The following AFG2A variants were observed in gnomAD, a reference collection of about 807,000 sequenced individuals.
AFG2A encodes the protein AAA ATPase AFG2A.
the AFG2A span, among the ~76,000 whole-genome samples, chr4:123,245,525 C>T: frequency 5.9e-5 from 9 of 152,018 alleles, no homozygotes; most frequent in African/African-American, 9.7e-5. Flanking sequence ...TAAAATGACT[C>T]TTTAATAGAA....
At chr4:123,252,136 C>G in the AFG2A span, among the ~76,000 whole-genome samples, 1 of 152,022 alleles carries the variant, frequency 6.6e-6, no homozygotes, top group Non-Finnish European at 1.5e-5. Flanking sequence ...ATATAGAAAC[C>G]TATACAAACC....
chr4:122,923,203 C>T, the AFG2A span: 43 of 1,614,242 alleles, frequency 2.7e-5, no homozygotes, highest in East Asian at 9.4e-4. Flanking sequence ...TTCGTCCTTG[C>T]CCTCTGCTGC....
At chr4:122,947,567 A>G in the AFG2A span, 12 of 1,325,134 alleles carry the variant, frequency 9.1e-6, no homozygotes, top group South Asian at 1.6e-4. Flanking sequence ...TTTATATTTT[A>G]CAGATTTCTT....
the AFG2A span, among the ~76,000 whole-genome samples, chr4:122,963,519 T>C: frequency 6.6e-6 from 1 of 152,234 alleles, no homozygotes; most frequent in Non-Finnish European, 1.5e-5. Flanking sequence ...AGCAGCTCTC[T>C]GAGGTTCTCT....
chr4:123,112,635 T>C, the AFG2A span, among the ~76,000 whole-genome samples: 112,096 of 152,100 alleles, frequency 0.74, 41,869 homozygotes, highest in East Asian at 0.97. Flanking sequence ...AAGTACATAC[T>C]GTAGAAGGTA....
At chr4:123,003,386 T>G in the AFG2A span, among the ~76,000 whole-genome samples, 2 of 152,168 alleles carry the variant, frequency 1.3e-5, no homozygotes, top group Non-Finnish European at 2.9e-5. Context: ...GCGCTCTGCT[T>G]TTTAGAGTTT....
the AFG2A span, among the ~76,000 whole-genome samples, chr4:122,930,786 T>G: frequency 6.6e-6 from 1 of 152,184 alleles, no homozygotes; most frequent in Non-Finnish European, 1.5e-5. Context: ...TGACTGGAAT[T>G]AGCATTTATG....
chr4:123,157,555 A>G, the AFG2A span, among the ~76,000 whole-genome samples: 1 of 152,184 alleles, frequency 6.6e-6, no homozygotes, highest in Non-Finnish European at 1.5e-5. Context: ...CTTTCAAAAA[A>G]GTAGTCTCAA....
chr4:123,234,725 T>G, the AFG2A span, among the ~76,000 whole-genome samples: 4 of 152,132 alleles, frequency 2.6e-5, no homozygotes, highest in Non-Finnish European at 4.4e-5. Context: ...GCTTCTACAA[T>G]GTAATTTCTG....
chr4:123,310,955 T>A, the AFG2A span, among the ~76,000 whole-genome samples: 1 of 152,104 alleles, frequency 6.6e-6, no homozygotes, highest in Non-Finnish European at 1.5e-5. Context: ...ACAGCTGCAC[T>A]CCTTCCTCTA....
chr4:122,932,013 T>TC, the AFG2A span, among the ~76,000 whole-genome samples: 3 of 152,154 alleles, frequency 2.0e-5, no homozygotes, highest in Non-Finnish European at 2.9e-5. Context: ...ACGCCTGTAA[T>TC]CCCAGCACTT....
At chr4:123,141,214 T>C in the AFG2A span, among the ~76,000 whole-genome samples, 1 of 152,230 alleles carries the variant, frequency 6.6e-6, no homozygotes, top group East Asian at 1.9e-4. Flanking sequence ...AATTTTTCAC[T>C]AGGGGACTTG....
chr4:123,264,736 G>A, the AFG2A span, among the ~76,000 whole-genome samples: 2 of 152,058 alleles, frequency 1.3e-5, no homozygotes, highest in Admixed American at 6.6e-5. Flanking sequence ...ACCCATCATG[G>A]CCACCTAGAA....
At chr4:123,151,722 G>A in the AFG2A span, among the ~76,000 whole-genome samples, 1 of 152,086 alleles carries the variant, frequency 6.6e-6, no homozygotes, top group Non-Finnish European at 1.5e-5. Flanking sequence ...ACAGTGTGGC[G>A]ATTCCTCAAG....
the AFG2A span, among the ~76,000 whole-genome samples, chr4:123,044,609 T>C: frequency 2.6e-5 from 4 of 152,208 alleles, no homozygotes; most frequent in South Asian, 8.3e-4. Context: ...TTCAGACATG[T>C]TTTAACAAGT....
At chr4:123,037,512 T>TA in the AFG2A span, among the ~76,000 whole-genome samples, 1 of 152,090 alleles carries the variant, frequency 6.6e-6, no homozygotes, top group Admixed American at 6.6e-5. Context: ...AAGACTAACA[T>TA]ACATTCTTAA....
the AFG2A span, among the ~76,000 whole-genome samples, chr4:123,308,359 G>T: frequency 6.6e-6 from 1 of 152,090 alleles, no homozygotes; most frequent in African/African-American, 2.4e-5. Context: ...TGGATCAGGG[G>T]TTCCCACCAC....
At chr4:123,006,760 C>G in the AFG2A span, among the ~76,000 whole-genome samples, 1,843 of 152,166 alleles carry the variant, frequency 0.012, 43 homozygotes, top group African/African-American at 0.041. Flanking sequence ...TTTATTTGCA[C>G]AAAGGTAATG....
At chr4:123,298,523 G>A in the AFG2A span, among the ~76,000 whole-genome samples, 5 of 152,296 alleles carry the variant, frequency 3.3e-5, no homozygotes, top group African/African-American at 1.2e-4. Context: ...ATATACAGCA[G>A]ATGTCACAAC....
Sources: allele counts gnomAD v4.1 joint callset (sites outside exome capture counted in the v4.1 genomes callset), GRCh38; gene constraint gnomAD v4.1.1; transcripts MANE v1.5; gene names NCBI Gene and HGNC (gene_info 2026-07-23, HGNC 2026-07-21).